The following ABCA5 variants were observed in gnomAD, a reference collection of about 807,000 sequenced individuals.
ABCA5 encodes cholesterol transporter ABCA5.
In ABCA5, 163 loss-of-function variants were observed where a neutral mutation model predicts 206.0. The ratio of observed to expected loss-of-function variants is 0.79; its 90% CI spans 0.70 to 0.90. The LOEUF (loss-of-function observed/expected upper bound fraction) is 0.90. ABCA5 is among the 40% of genes least tolerant of loss of function. ABCA5 has a pLI of 0.00. For missense variants in ABCA5, 1,859 were observed against 1,912.9 expected (o/e 0.97, Z 0.53); for synonymous variants, 609 against 613.8 (o/e 0.99, Z 0.11).
chr17:69,316,579 A>T (rs2075818168), intron 1 of ABCA5, among the ~76,000 whole-genome samples: 1 of 145,566 alleles, frequency 6.9e-6, no homozygotes, highest in Non-Finnish European at 1.5e-5. Context: ...GAGAGGAGAA[A>T]GAGTATTAAT....
At chr17:69,292,679 C>T (rs2075541671) in intron 11 of ABCA5, among the ~76,000 whole-genome samples, 2 of 152,036 alleles carry the variant, frequency 1.3e-5, no homozygotes, top group South Asian at 2.1e-4. Flanking sequence ...CAATAACTTA[C>T]ATTGGAGGTT....
chr17:69,250,673 A>T, intron 35 of ABCA5, 52 bp from the exon 36 acceptor site: 1 of 1,376,938 alleles, frequency 7.3e-7, no homozygotes, highest in Non-Finnish European at 9.8e-7. Context: ...AGCTTCAAAG[A>T]ATAATCTCTC....
chr17:69,296,350 T>C (rs1170099496), intron 10 of ABCA5, among the ~76,000 whole-genome samples: 2 of 152,194 alleles, frequency 1.3e-5, no homozygotes, highest in African/African-American at 4.8e-5. Context: ...ATGCTTCACT[T>C]TTTTATTTCA....
At position 69,253,707 on chromosome 17, in the gene ABCA5, G is replaced by A. The variant is rs758750288; in HGVS notation, c.4321-40C>T. On this transcript the variant is annotated intron_variant, in intron 33 of 38. Coordinates refer to ENST00000392676, the MANE Select transcript of ABCA5 (RefSeq NM_172232.4). Reference sequence around the variant, plus strand: ...AAAGATGGGTGGGAAATTAACAAAGGTTCACTATAAGGAATCTATCAAGAC... The same window carrying A: ...AAAGATGGGTGGGAAATTAACAAAGATTCACTATAAGGAATCTATCAAGAC... 1.9e-6 allele frequency: 3 copies of A among 1,589,732 alleles called. No homozygotes were observed. The African/African-American group carries it at 4.0e-5, about 21-fold the overall frequency.
intron 37 of ABCA5, 131 bp downstream of exon 37, chr17:69,249,774 T>C: frequency 8.2e-7 from 1 of 1,222,488 alleles, no homozygotes; most frequent in Non-Finnish European, 1.1e-6. Context: ...ATAAAATTCT[T>C]TCATAATTTG....
chr17:69,261,135 G>C lies in ABCA5; in HGVS notation c.3554C>G (p.Ser1185Cys). ...ATTTAGCAGAATTACCTTTATGAAA[G>C]AAATCAGGCAACCTAGAAGTGGATA... is the stretch of plus-strand genomic sequence containing the variant. ...PIYPLLGCLI[S>C]FIKISWKNVR... The change falls in exon 26 of 39, where the codon TCT becomes TGT. Residue 1185 changes from serine (S) to cysteine (C), a missense_variant. Coordinates refer to ENST00000392676, the MANE Select transcript of ABCA5 (RefSeq NM_172232.4). 3 of 1,568,016 alleles carry C rather than the reference G, an allele frequency of 1.9e-6. No individual in the cohort carries two copies. The highest frequency in any genetic ancestry group is 2.6e-6 in the Non-Finnish European group (3 of 1,156,610).
intron 34 of ABCA5, 64 bp downstream of exon 34, chr17:69,253,509 T>C: frequency 9.1e-7 from 1 of 1,094,934 alleles, no homozygotes; most frequent in Non-Finnish European, 1.3e-6. Context: ...CATTAAACTA[T>C]TATAATAAAA....
intron 1 of ABCA5, chr17:69,316,780 AATG>A (rs1286683691): frequency 1.4e-4 from 22 of 152,208 alleles, no homozygotes; most frequent in African/African-American, 5.1e-4. Flanking sequence ...GTCAGAGAAC[AATG>A]ATGTATTACC....
At chr17:69,289,460 G>C (rs1024649588) in intron 13 of ABCA5, among the ~76,000 whole-genome samples, 164 bp from the exon 14 acceptor site, 1 of 151,956 alleles carries the variant, frequency 6.6e-6, no homozygotes, top group African/African-American at 2.4e-5. Context: ...CTTTAGCATG[G>C]AACTGCCTTT....
intron 24 of ABCA5, among the ~76,000 whole-genome samples, chr17:69,264,293 G>A (rs1057031296): frequency 6.6e-6 from 1 of 151,900 alleles, no homozygotes; most frequent in Admixed American, 6.6e-5. Context: ...TTAATTTTTT[G>A]TGGCTATTGT....
In ABCA5 at chr17:69,289,981, T is replaced by G. The variant is rs372048049; in HGVS notation, c.1663A>C (p.Arg555=). 12 of 1,612,500 alleles carry G rather than the reference T, an allele frequency of 7.4e-6. No homozygotes were observed. Among genetic ancestry groups the G allele is most frequent in the African/African-American group, 5.3e-5 (4 of 74,898 alleles). Residue 555 remains arginine, a synonymous_variant, in exon 13 of 39, where the codon AGA becomes CGA. Coordinates refer to ENST00000392676, the MANE Select transcript of ABCA5 (RefSeq NM_172232.4). ...TGTGGACAAATGCCAATCATTTTTC[T>G]TGCTTCAAACATTTCATCTATTTCT... The part of the protein sequence containing the change: ...VSEIDEMFEA[R]KMIGICPQLD...
intron 18 of ABCA5, among the ~76,000 whole-genome samples, chr17:69,282,043 C>T (rs947690946): frequency 5.3e-5 from 8 of 152,170 alleles, no homozygotes; most frequent in African/African-American, 1.9e-4. Flanking sequence ...TTACCGTAAA[C>T]TGAATAGATC....
At chr17:69,284,118 C>A in intron 17 of ABCA5, 46 bp from the exon 18 acceptor site, 1 of 1,405,842 alleles carries the variant, frequency 7.1e-7, no homozygotes, top group Non-Finnish European at 9.4e-7. Context: ...AGCATATTAT[C>A]ATAAATTATT....
At chr17:69,325,125 G>C (rs1292048764) in intron 1 of ABCA5, among the ~76,000 whole-genome samples, 1 of 135,340 alleles carries the variant, frequency 7.4e-6, no homozygotes, top group African/African-American at 2.8e-5. Flanking sequence ...GCAACATAGA[G>C]AGACACTGTC....
At chr17:69,250,280 T>G (rs1261113004) in intron 36 of ABCA5, among the ~76,000 whole-genome samples, 192 bp downstream of exon 36, 6 of 151,816 alleles carry the variant, frequency 4.0e-5, no homozygotes, top group East Asian at 1.9e-4. Context: ...CAGAGAGAGA[T>G]ATATAAATTA....
intron 14 of ABCA5, among the ~76,000 whole-genome samples, chr17:69,288,243 G>T (rs1022563081): frequency 2.6e-5 from 4 of 152,134 alleles, no homozygotes; most frequent in Non-Finnish European, 5.9e-5. Flanking sequence ...CAGCAAGGGG[G>T]AATGTGGCAG....
chr17:69,285,955 G>T lies in ABCA5; in HGVS notation c.2215C>A (p.Gln739Lys). 6.2e-7 allele frequency: 1 copy of T among 1,613,234 alleles called. No individual in the cohort carries two copies. The highest frequency in any genetic ancestry group is 8.5e-7 in the Non-Finnish European group (1 of 1,179,520). ...QHIPGATLLQ[Q>K]NDQQLVYSLP... ...CTATACACAAGTTGTTGGTCATTCT[G>T]TTGTAATAAAGTAGCTCCAGGTATA... The change falls in exon 17 of 39, where the codon CAG (glutamine) becomes AAG (lysine). Residue 739 changes from glutamine (Q) to lysine (K), a missense_variant. By Grantham distance (53) the Gln-to-Lys change is moderately conservative. Coordinates refer to ENST00000392676, the MANE Select transcript of ABCA5 (RefSeq NM_172232.4).
Position 69,297,356 on chromosome 17 carries a change from T to G in ABCA5, c.1271A>C (p.Glu424Ala), listed in dbSNP as rs550274216. 1 of 1,580,758 alleles carries G rather than the reference T, an allele frequency of 6.3e-7. No homozygotes were observed. Among genetic ancestry groups the G allele is most frequent in the Non-Finnish European group, 8.5e-7 (1 of 1,171,022 alleles). Residue 424 changes from glutamate to alanine, a missense_variant, in exon 10 of 39, where the codon GAA becomes GCA. Coordinates refer to ENST00000392676, the MANE Select transcript of ABCA5 (RefSeq NM_172232.4). ...AVYLDQVIPGEFGLRRSSLYF... is the reference protein window; with the variant it reads ...AVYLDQVIPGAFGLRRSSLYF... ...TAAAGATGATCTCCGTAAGCCAAAT[T>G]CCCCTGAAAAATAAACATTAAAAAA...
intron 27 of ABCA5, 38 bp from the exon 28 acceptor site, chr17:69,259,835 TTTG>T (rs368372637): frequency 5.4e-4 from 704 of 1,312,862 alleles, no homozygotes; most frequent in African/African-American, 2.8e-3. Flanking sequence ...GACTAAAAGA[TTTG>T]TTGTTGTTGT....
Sources: gnomAD v4.1 joint callset for allele counts (sites outside exome capture counted in the v4.1 genomes callset) on GRCh38, gnomAD v4.1.1 for gene constraint, MANE v1.5 for transcripts, NCBI Gene and HGNC (gene_info 2026-07-23, HGNC 2026-07-21) for gene names.